TAFA1: variants seen among roughly 807,000 people sequenced by gnomAD.
The protein encoded by TAFA1 is TAFA chemokine like family member 1, also known as chemokine-like protein TAFA-1.
In TAFA1, 4 loss-of-function variants were observed where a neutral mutation model predicts 18.5. That is an observed-to-expected ratio of 0.22 (90% CI 0.11 to 0.49). TAFA1 has a LOEUF of 0.49. Among genes scored for constraint, TAFA1 ranks in the 20% least tolerant of loss-of-function variants. The pLI, the probability that TAFA1 is intolerant of heterozygous loss-of-function variation, is 0.98. For synonymous variants in TAFA1, 56 were observed against 55.2 expected, an observed-to-expected ratio of 1.01 and a Z score of -0.06; for missense variants, 147 against 169.0, an observed-to-expected ratio of 0.87 and a Z score of 0.72.
intron 2 of TAFA1, among the ~76,000 whole-genome samples, chr3:68,105,058 C>A (rs1224904191): frequency 6.6e-6 from 1 of 151,964 alleles, no homozygotes; most frequent in Non-Finnish European, 1.5e-5. Context: ...ATGGTGAGAG[C>A]AGGAGCAAGA....
chr3:68,351,587 CAGCTTATAT>C (rs2069271670), intron 2 of TAFA1, among the ~76,000 whole-genome samples: 1 of 151,922 alleles, frequency 6.6e-6, no homozygotes, highest in African/African-American at 2.4e-5. Flanking sequence ...CTTTGAATTC[CAGCTTATAT>C]AGCATCTTCA....
chr3:68,446,610 G>A (rs1027083793), intron 3 of TAFA1, among the ~76,000 whole-genome samples: 6 of 152,156 alleles, frequency 3.9e-5, no homozygotes, highest in African/African-American at 1.4e-4. Flanking sequence ...ATTCTAGATG[G>A]ACAGAAGACT....
At chr3:68,138,346 C>A (rs1486790868) in intron 2 of TAFA1, among the ~76,000 whole-genome samples, 1 of 152,114 alleles carries the variant, frequency 6.6e-6, no homozygotes, top group Non-Finnish European at 1.5e-5. Flanking sequence ...GGTGTAGCAA[C>A]AAGGCAAAAG....
intron 3 of TAFA1, among the ~76,000 whole-genome samples, chr3:68,499,861 CT>C (rs57102825): frequency 0.57 from 78,336 of 137,284 alleles, 22,139 homozygotes; most frequent in East Asian, 0.73. Context: ...TTTTCTTTTC[CT>C]TTTTTTTTTT....
intron 2 of TAFA1, among the ~76,000 whole-genome samples, chr3:68,083,804 T>A (rs1186882321): frequency 6.6e-6 from 1 of 152,140 alleles, no homozygotes; most frequent in Non-Finnish European, 1.5e-5. Flanking sequence ...ATTTTTTTTT[T>A]CTCTCCCTCA....
chr3:68,383,019 A>G (rs2070009099), intron 2 of TAFA1, among the ~76,000 whole-genome samples: 2 of 152,146 alleles, frequency 1.3e-5, no homozygotes, highest in Non-Finnish European at 1.5e-5. Flanking sequence ...TTGTTGATGT[A>G]TAGGAATGCT....
At chr3:68,353,167 A>G (rs1160351071) in intron 2 of TAFA1, among the ~76,000 whole-genome samples, 1 of 151,860 alleles carries the variant, frequency 6.6e-6, no homozygotes, top group Non-Finnish European at 1.5e-5. Context: ...TTTATCCCCA[A>G]CTCTGATTTT....
intron 2 of TAFA1, among the ~76,000 whole-genome samples, chr3:68,035,480 C>G (rs548307976): frequency 6.6e-6 from 1 of 152,220 alleles, no homozygotes; most frequent in South Asian, 2.1e-4. Context: ...TAAGATCTCA[C>G]CTTCTATTTC....
intron 2 of TAFA1, among the ~76,000 whole-genome samples, chr3:68,130,109 A>G (rs930339875): frequency 6.6e-6 from 1 of 152,312 alleles, no homozygotes; most frequent in Admixed American, 6.5e-5. Context: ...CAACCCTGCC[A>G]GGAAAACCGG....
chr3:68,101,590 C>G (rs546461011), intron 2 of TAFA1, among the ~76,000 whole-genome samples: 13 of 152,194 alleles, frequency 8.5e-5, no homozygotes, highest in African/African-American at 3.1e-4. Flanking sequence ...AAAGGTTATT[C>G]AGTAGGAATA....
At chr3:68,243,796 A>G (rs915471826) in intron 2 of TAFA1, among the ~76,000 whole-genome samples, 7 of 152,166 alleles carry the variant, frequency 4.6e-5, no homozygotes, top group Admixed American at 1.3e-4. Flanking sequence ...ACTGAGAGAA[A>G]TACCACAGTG....
At chr3:68,157,483 A>G (rs1314326349) in intron 2 of TAFA1, among the ~76,000 whole-genome samples, 1 of 152,196 alleles carries the variant, frequency 6.6e-6, no homozygotes, top group Non-Finnish European at 1.5e-5. Flanking sequence ...AGGAGCAAAC[A>G]GGAAAAAAAA....
chr3:68,111,713 T>A (rs532636426), intron 2 of TAFA1, among the ~76,000 whole-genome samples: 2 of 150,982 alleles, frequency 1.3e-5, no homozygotes, highest in South Asian at 4.2e-4. Flanking sequence ...TAAAATAATT[T>A]CAAAAAGTGT....
At chr3:68,128,983 C>T (rs1274246466) in intron 2 of TAFA1, among the ~76,000 whole-genome samples, 1 of 152,092 alleles carries the variant, frequency 6.6e-6, no homozygotes, top group African/African-American at 2.4e-5. Context: ...AATAAAAATC[C>T]CAACTTCTAC....
chr3:68,039,036 C>T (rs570589071), intron 2 of TAFA1, among the ~76,000 whole-genome samples: 2 of 152,270 alleles, frequency 1.3e-5, no homozygotes, highest in Non-Finnish European at 2.9e-5. Context: ...ACTATAAACT[C>T]CAAGTGGGCA....
At chr3:68,252,881 G>A (rs575547259) in intron 2 of TAFA1, among the ~76,000 whole-genome samples, 134 of 152,186 alleles carry the variant, frequency 8.8e-4, no homozygotes, top group Middle Eastern at 3.4e-3. Context: ...AGTCTTTCCC[G>A]TGCTGTTCTC....
chr3:68,169,854 G>A (rs2066030686), intron 2 of TAFA1, among the ~76,000 whole-genome samples: 1 of 152,212 alleles, frequency 6.6e-6, no homozygotes, highest in Non-Finnish European at 1.5e-5. Flanking sequence ...CAGCTGGCCA[G>A]AAGATTTGAT....
intron 2 of TAFA1, among the ~76,000 whole-genome samples, chr3:68,271,815 A>ATCTC (rs140600575): frequency 8.1e-5 from 12 of 147,390 alleles, no homozygotes; most frequent in South Asian, 2.2e-4. Context: ...CTCTTTGTCT[A>ATCTC]TCTCTCTCTC....
intron 2 of TAFA1, among the ~76,000 whole-genome samples, chr3:68,065,698 A>G (rs917938876): frequency 2.7e-5 from 4 of 149,650 alleles, no homozygotes; most frequent in Non-Finnish European, 5.9e-5. Context: ...CGACATATAC[A>G]TATGTGTGTA....
Sources: allele counts gnomAD v4.1 joint callset (sites outside exome capture counted in the v4.1 genomes callset), GRCh38; gene constraint gnomAD v4.1.1; transcripts MANE v1.5; gene names NCBI Gene and HGNC (gene_info 2026-07-23, HGNC 2026-07-21).